Variants in PRKACB observed in about 807,000 individuals in gnomAD.
PRKACB encodes cAMP-dependent protein kinase catalytic subunit beta.
PRKACB carries 16 observed loss-of-function variants against 51.4 expected under a neutral mutation model. The observed-to-expected ratio is 0.31, with a 90% confidence interval of 0.21 to 0.47. The LOEUF (loss-of-function observed/expected upper bound fraction) is 0.47. Ranked by LOEUF, PRKACB falls within the 20% of genes least tolerant of loss-of-function variation. The pLI, the probability that PRKACB is intolerant of heterozygous loss-of-function variation, is 1.00. For missense variants in PRKACB, 309 were observed against 464.5 expected (o/e 0.67, Z 3.08); for synonymous variants, 147 against 154.4 (o/e 0.95, Z 0.35).
Position 84,231,098 on chromosome 1 carries a change from C to T in PRKACB, c.1072-4082C>T, listed in dbSNP as rs1466009127. ...AGATAGCTCTTATTATTTTGAAATA[C>T]GTCCCATCAATACCTAATTTATTGA... is the stretch of plus-strand genomic sequence containing the variant. On this transcript the variant is annotated intron_variant, in intron 9 of 9. Transcript: ENST00000370685. 8.0e-5 allele frequency among the ~76,000 whole-genome samples: 12 copies of T among 150,824 alleles called. No individual in the cohort carries two copies. In the South Asian group the frequency reaches 1.5e-3, roughly 19 times the overall value.
chr1:84,120,061 G>A (rs1300665465), intron 1 of PRKACB, among the ~76,000 whole-genome samples: 2 of 151,852 alleles, frequency 1.3e-5, no homozygotes, highest in South Asian at 2.1e-4. Flanking sequence ...TTTCCTTTTC[G>A]GCCTGTATTT....
intron 1 of PRKACB, among the ~76,000 whole-genome samples, chr1:84,125,738 A>G (rs149787410): frequency 0.011 from 1,698 of 152,326 alleles, 40 homozygotes; most frequent in African/African-American, 0.039. Context: ...ACAGATATGC[A>G]TATGATTAAA....
chr1:84,112,284 G>A (rs1160162813), intron 1 of PRKACB, among the ~76,000 whole-genome samples: 2 of 146,650 alleles, frequency 1.4e-5, no homozygotes, highest in African/African-American at 5.1e-5. Flanking sequence ...CCAGGCCGGA[G>A]TGCAGTGGTG....
At chr1:84,206,796 G>C (rs1210244794) in intron 8 of PRKACB, among the ~76,000 whole-genome samples, 1 of 152,120 alleles carries the variant, frequency 6.6e-6, no homozygotes, top group African/African-American at 2.4e-5. Context: ...GTTTCATGTT[G>C]GTATAAGGGC....
At chr1:84,182,752 C>T (rs1663914272) in intron 3 of PRKACB, among the ~76,000 whole-genome samples, 1 of 149,342 alleles carries the variant, frequency 6.7e-6, no homozygotes, top group South Asian at 2.1e-4. Context: ...AAGCCTCTGT[C>T]ATTTTATATA....
intron 1 of PRKACB, among the ~76,000 whole-genome samples, chr1:84,082,252 T>C (rs1647593851): frequency 2.6e-5 from 4 of 152,182 alleles, no homozygotes; most frequent in Admixed American, 2.0e-4. Context: ...CTGAACAGCC[T>C]CTGTATCCAA....
chr1:84,108,662 A>G (rs778154292), intron 1 of PRKACB, among the ~76,000 whole-genome samples: 15 of 152,062 alleles, frequency 9.9e-5, no homozygotes, highest in Non-Finnish European at 2.1e-4. Context: ...TGAGAAACTG[A>G]TGCCCATAGT....
intron 1 of PRKACB, among the ~76,000 whole-genome samples, chr1:84,119,621 A>G (rs913119931): frequency 1.3e-5 from 2 of 152,144 alleles, no homozygotes; most frequent in African/African-American, 4.8e-5. Context: ...TCATTTAGCC[A>G]TAATATCACC....
intron 1 of PRKACB, among the ~76,000 whole-genome samples, chr1:84,132,168 A>C (rs1652290098): frequency 6.6e-6 from 1 of 152,224 alleles, no homozygotes; most frequent in Non-Finnish European, 1.5e-5. Context: ...TAAAAAATAA[A>C]GGTTTAATCC....
chr1:84,113,396 T>C (rs529475525), intron 1 of PRKACB, among the ~76,000 whole-genome samples: 1 of 152,310 alleles, frequency 6.6e-6, no homozygotes, highest in East Asian at 1.9e-4. Flanking sequence ...TGCAAAGGCA[T>C]GGGAGCCCTC....
chr1:84,235,965 C>G lies in PRKACB; in HGVS notation c.*660C>G, dbSNP rs1676625988. On this transcript the variant is annotated 3_prime_UTR_variant, in exon 10 of 10. Transcript: ENST00000370685. ...GATCAGAGGTTCTAGTTCCCTTTCC[C>G]TCCTTTTATATCCTCCTCTCCTTGA... 6.6e-6 allele frequency: 1 copy of G among 152,612 alleles called. No individual in the cohort carries two copies. The highest frequency in any genetic ancestry group is 2.4e-5 in the African/African-American group (1 of 41,440). The allele number at this position is 152,612 out of a possible 1,614,324, so 9.5% of individuals were successfully genotyped here. A position where few individuals can be genotyped will look rare whatever the true frequency, so the allele number is the denominator to read the frequency against.
intron 1 of PRKACB, among the ~76,000 whole-genome samples, chr1:84,161,072 A>C (rs1392039403): frequency 1.3e-5 from 2 of 151,792 alleles, no homozygotes; most frequent in Non-Finnish European, 2.9e-5. Context: ...AAGTATGGAA[A>C]TTTCCAACTA....
chr1:84,230,053 T>G (rs1264443489), intron 9 of PRKACB, among the ~76,000 whole-genome samples: 2 of 152,020 alleles, frequency 1.3e-5, no homozygotes, highest in Non-Finnish European at 2.9e-5. Context: ...TTCTAGGGTT[T>G]TTATGGTTTT....
At chr1:84,173,176 T>C (rs2100845867) in intron 1 of PRKACB, among the ~76,000 whole-genome samples, 1 of 151,868 alleles carries the variant, frequency 6.6e-6, no homozygotes, top group East Asian at 1.9e-4. Flanking sequence ...TTTCTTGTAA[T>C]CCTTATATAA....
chr1:84,156,237 C>T (rs1355638598), intron 1 of PRKACB, among the ~76,000 whole-genome samples: 1 of 152,114 alleles, frequency 6.6e-6, no homozygotes, highest in Non-Finnish European at 1.5e-5. Context: ...GTCAAGCAAT[C>T]TCCTGTATTG....
At chr1:84,092,206 A>G (rs186872402) in intron 1 of PRKACB, among the ~76,000 whole-genome samples, 118 of 152,346 alleles carry the variant, frequency 7.7e-4, no homozygotes, top group South Asian at 1.4e-3. Flanking sequence ...ATAGAATATT[A>G]CTGAAACCCC....
intron 1 of PRKACB, among the ~76,000 whole-genome samples, chr1:84,117,794 C>G (rs932087881): frequency 1.6e-4 from 25 of 152,088 alleles, no homozygotes; most frequent in Non-Finnish European, 8.8e-5. Context: ...TCATTTAATT[C>G]TGCTCTGACT....
intron 1 of PRKACB, among the ~76,000 whole-genome samples, chr1:84,115,352 T>G (rs1406270117): frequency 3.3e-5 from 5 of 152,124 alleles, no homozygotes. Flanking sequence ...CTCATGTCAT[T>G]TACCTGCTTT....
intron 9 of PRKACB, among the ~76,000 whole-genome samples, chr1:84,231,206 T>G (rs1265760187): frequency 6.6e-6 from 1 of 152,224 alleles, no homozygotes; most frequent in Non-Finnish European, 1.5e-5. Flanking sequence ...TGGTTCTGTT[T>G]ATATGCTGGA....
Sources: gnomAD v4.1 joint callset for allele counts (sites outside exome capture counted in the v4.1 genomes callset) on GRCh38, gnomAD v4.1.1 for gene constraint, MANE v1.5 for transcripts, NCBI Gene and HGNC (gene_info 2026-07-23, HGNC 2026-07-21) for gene names.